The following LUZP2 variants were observed in gnomAD, a reference collection of about 807,000 sequenced individuals.
LUZP2 encodes leucine zipper protein 2.
LUZP2 carries 52 observed loss-of-function variants against 51.6 expected under a neutral mutation model. That is an observed-to-expected ratio of 1.01 (90% CI 0.81 to 1.27). The LOEUF (loss-of-function observed/expected upper bound fraction) is 1.27, where lower values mean the gene tolerates loss of function less well. Among genes scored for constraint, LUZP2 ranks in the 50% most tolerant of loss-of-function variants. LUZP2 has a pLI of 0.00. For synonymous variants in LUZP2, 154 were observed against 137.3 expected (o/e 1.12, Z -0.85); for missense variants, 436 against 395.4 (o/e 1.10, Z -0.87).
At chr11:25,013,750 TA>T (rs1236592448) in intron 9 of LUZP2, among the ~76,000 whole-genome samples, 95 of 151,608 alleles carry the variant, frequency 6.3e-4, no homozygotes, top group African/African-American at 2.3e-3. Context: ...ATTTATTTAT[TA>T]TTCTTTTTTT....
intron 5 of LUZP2, among the ~76,000 whole-genome samples, chr11:24,871,994 A>G (rs1852092586): frequency 6.6e-6 from 1 of 151,972 alleles, no homozygotes; most frequent in Non-Finnish European, 1.5e-5. Flanking sequence ...CTCTGGTTGT[A>G]TGTGGTTATC....
intron 5 of LUZP2, chr11:24,892,162 C>G: frequency 1.0e-6 from 1 of 985,610 alleles, no homozygotes. Flanking sequence ...TTAAGAATCT[C>G]TGTATCTTTC....
At chr11:24,807,279 C>T (rs540523262) in intron 5 of LUZP2, among the ~76,000 whole-genome samples, 2 of 152,050 alleles carry the variant, frequency 1.3e-5, no homozygotes, top group East Asian at 3.9e-4. Flanking sequence ...GCCTGACTAA[C>T]ACGGTGAAAC....
intron 1 of LUZP2, among the ~76,000 whole-genome samples, chr11:24,542,531 A>C (rs1851403660): frequency 6.6e-6 from 1 of 152,048 alleles, no homozygotes; most frequent in Non-Finnish European, 1.5e-5. Flanking sequence ...TGTGTGAAAA[A>C]AAAAAGCTAC....
At chr11:24,920,766 G>A (rs948725181) in intron 7 of LUZP2, among the ~76,000 whole-genome samples, 1 of 151,838 alleles carries the variant, frequency 6.6e-6, no homozygotes, top group Non-Finnish European at 1.5e-5. Context: ...ATAGAGTATG[G>A]AATGATGGAT....
chr11:24,564,173 A>G (rs1041354939), intron 1 of LUZP2, among the ~76,000 whole-genome samples: 5 of 152,138 alleles, frequency 3.3e-5, no homozygotes, highest in African/African-American at 1.2e-4. Flanking sequence ...CATGTATTCA[A>G]ATAGAAACCA....
chr11:24,813,218 A>G (rs1387567078), intron 5 of LUZP2, among the ~76,000 whole-genome samples: 1 of 152,224 alleles, frequency 6.6e-6, no homozygotes, highest in Non-Finnish European at 1.5e-5. Flanking sequence ...TGCACAGAAT[A>G]CAAATTCCTT....
At chr11:25,035,783 AT>A (rs546608378) in intron 9 of LUZP2, among the ~76,000 whole-genome samples, 1 of 152,130 alleles carries the variant, frequency 6.6e-6, no homozygotes, top group Non-Finnish European at 1.5e-5. Flanking sequence ...TGATTTACTT[AT>A]GTTGAACTAG....
chr11:25,034,055 A>T (rs922838207), intron 9 of LUZP2, among the ~76,000 whole-genome samples: 3 of 152,128 alleles, frequency 2.0e-5, no homozygotes, highest in Non-Finnish European at 2.9e-5. Flanking sequence ...AACAGTGTAT[A>T]AACATTCCCT....
At chr11:25,010,495 C>T (rs1379767859) in intron 9 of LUZP2, among the ~76,000 whole-genome samples, 17 of 151,928 alleles carry the variant, frequency 1.1e-4, no homozygotes, top group Admixed American at 1.1e-3. Context: ...TTACAGTGAG[C>T]CAAGATCACA....
intron 10 of LUZP2, among the ~76,000 whole-genome samples, chr11:25,073,597 T>G (rs913541017): frequency 6.6e-6 from 1 of 152,136 alleles, no homozygotes; most frequent in Non-Finnish European, 1.5e-5. Flanking sequence ...ACCTAAAATT[T>G]TTGTTATATT....
chr11:24,882,490 G>A (rs1485673417), intron 5 of LUZP2, among the ~76,000 whole-genome samples: 2 of 151,886 alleles, frequency 1.3e-5, no homozygotes, highest in African/African-American at 4.8e-5. Flanking sequence ...TATGCTCTTG[G>A]TGTTCTACAT....
At chr11:24,552,792 A>G (rs1851758563) in intron 1 of LUZP2, among the ~76,000 whole-genome samples, 1 of 151,966 alleles carries the variant, frequency 6.6e-6, no homozygotes, top group Non-Finnish European at 1.5e-5. Context: ...GACAAGGACT[A>G]TAAATGATAT....
Position 24,772,767 on chromosome 11 carries a change from C to A in LUZP2, c.396+9459C>A, listed in dbSNP as rs1339937760. On this transcript the variant is annotated intron_variant, in intron 5 of 11. Transcript: ENST00000336930. ...CTTCCTGGCTTCTAGTGTCTCCTGGCAATCCATGTCACTCTTTGGCTTGTA... is the reference window on the plus strand; with the variant it reads ...CTTCCTGGCTTCTAGTGTCTCCTGGAAATCCATGTCACTCTTTGGCTTGTA... Among the ~76,000 whole-genome samples, 3 of 152,166 alleles carry A rather than the reference C, an allele frequency of 2.0e-5. No individual in the cohort carries two copies. The East Asian group carries it at 5.8e-4, about 29-fold the overall frequency.
At chr11:24,841,622 T>A (rs1851036333) in intron 5 of LUZP2, among the ~76,000 whole-genome samples, 1 of 152,090 alleles carries the variant, frequency 6.6e-6, no homozygotes, top group Non-Finnish European at 1.5e-5. Flanking sequence ...GCCTTCCAAT[T>A]TCTCAAGAAA....
At chr11:24,985,593 T>C (rs1157037509) in intron 9 of LUZP2, among the ~76,000 whole-genome samples, 1 of 151,634 alleles carries the variant, frequency 6.6e-6, no homozygotes, top group Non-Finnish European at 1.5e-5. Context: ...CGAAATGTTA[T>C]TGAGTCATAA....
intron 1 of LUZP2, among the ~76,000 whole-genome samples, chr11:24,539,182 A>G (rs1312666442): frequency 4.6e-5 from 7 of 151,994 alleles, no homozygotes; most frequent in African/African-American, 1.7e-4. Context: ...GGAACAAAAA[A>G]TGTTCTTCTC....
chr11:25,016,469 G>A (rs936934927), intron 9 of LUZP2, among the ~76,000 whole-genome samples: 1 of 151,718 alleles, frequency 6.6e-6, no homozygotes, highest in Non-Finnish European at 1.5e-5. Flanking sequence ...CCAAGTTGCT[G>A]CAAAATATAT....
intron 1 of LUZP2, among the ~76,000 whole-genome samples, chr11:24,510,816 T>C (rs1431286943): frequency 1.3e-5 from 2 of 152,146 alleles, no homozygotes; most frequent in African/African-American, 2.4e-5. Flanking sequence ...AAGAAAGTAT[T>C]GTGGACCATT....
Sources: gnomAD v4.1 joint callset for allele counts (sites outside exome capture counted in the v4.1 genomes callset) on GRCh38, gnomAD v4.1.1 for gene constraint, MANE v1.5 for transcripts, NCBI Gene and HGNC (gene_info 2026-07-23, HGNC 2026-07-21) for gene names.